Variants in ADAMTS12 observed in about 807,000 individuals in gnomAD.
ADAMTS12 encodes A disintegrin and metalloproteinase with thrombospondin motifs 12.
In ADAMTS12, 118 loss-of-function variants were observed where a neutral mutation model predicts 167.8. The ratio of observed to expected loss-of-function variants is 0.70; its 90% CI spans 0.61 to 0.82. The LOEUF (loss-of-function observed/expected upper bound fraction) is 0.82. Among genes scored for constraint, ADAMTS12 ranks in the 40% least tolerant of loss-of-function variants. ADAMTS12 has a pLI of 0.00. For missense variants in ADAMTS12, 1,916 were observed against 1,998.8 expected (o/e 0.96, Z 0.79); for synonymous variants, 704 against 716.9 (o/e 0.98, Z 0.29).
chr5:33,587,264 T>A (rs1297406897), intron 18 of ADAMTS12, among the ~76,000 whole-genome samples: 1 of 152,210 alleles, frequency 6.6e-6, no homozygotes, highest in Non-Finnish European at 1.5e-5. Flanking sequence ...TCAGAGCAGG[T>A]GAAAAGCAAT....
intron 2 of ADAMTS12, among the ~76,000 whole-genome samples, chr5:33,766,299 G>A (rs1745530590): frequency 6.6e-6 from 1 of 152,168 alleles, no homozygotes; most frequent in Non-Finnish European, 1.5e-5. Flanking sequence ...TATCTCTGCT[G>A]TGTTCTTCTC....
intron 23 of ADAMTS12, 136 bp from the exon 24 acceptor site, chr5:33,527,502 T>G: frequency 1.2e-6 from 1 of 818,650 alleles, no homozygotes; most frequent in Non-Finnish European, 1.9e-6. Context: ...AGGTGGTATC[T>G]ACTGAATGTT....
intron 22 of ADAMTS12, among the ~76,000 whole-genome samples, chr5:33,535,404 A>C (rs1744344884): frequency 6.6e-6 from 1 of 152,136 alleles, no homozygotes; most frequent in Non-Finnish European, 1.5e-5. Flanking sequence ...CTTCCTTGGG[A>C]ATTTGAATTG....
rs906522425 is a variant in ADAMTS12 at position 33,736,925 on chromosome 5, T to C, written c.634+14479A>G. On this transcript the variant is annotated intron_variant, in intron 3 of 23. Coordinates refer to ENST00000504830, the MANE Select transcript of ADAMTS12 (RefSeq NM_030955.4). The stretch of plus-strand genomic sequence containing the variant: ...CAGCATCTTCCCCATGAGTTCAGTC[T>C]GCATAAAGGTTTTCATGCCTTTTCA... Among the ~76,000 whole-genome samples the C allele has an allele frequency of 2.6e-5, 4 of 152,356 alleles. No individual in the cohort carries two copies. The East Asian group carries it at 7.7e-4, about 29-fold the overall frequency.
chr5:33,818,308 T>G (rs59969290), intron 2 of ADAMTS12, among the ~76,000 whole-genome samples: 21,840 of 152,074 alleles, frequency 0.14, 2,037 homozygotes, highest in South Asian at 0.38. Context: ...TGTTTCATTC[T>G]CTGGGTATAC....
chr5:33,828,114 T>A (rs1748160565), intron 2 of ADAMTS12, among the ~76,000 whole-genome samples: 1 of 152,200 alleles, frequency 6.6e-6, no homozygotes, highest in Admixed American at 6.5e-5. Flanking sequence ...ACTCTCAGAC[T>A]TCTGTCTCAA....
chr5:33,563,695 G>C (rs1326187590), intron 19 of ADAMTS12, among the ~76,000 whole-genome samples: 1 of 152,162 alleles, frequency 6.6e-6, no homozygotes, highest in Non-Finnish European at 1.5e-5. Context: ...GAATGATGAG[G>C]CAAGTCAATG....
At chr5:33,679,251 T>G (rs1367396524) in intron 5 of ADAMTS12, among the ~76,000 whole-genome samples, 1 of 152,258 alleles carries the variant, frequency 6.6e-6, no homozygotes, top group Non-Finnish European at 1.5e-5. Context: ...CCATTGCCCA[T>G]GCAGGTCCCT....
chr5:33,840,471 C>T (rs1317945421), intron 2 of ADAMTS12, among the ~76,000 whole-genome samples: 1 of 152,212 alleles, frequency 6.6e-6, no homozygotes, highest in Non-Finnish European at 1.5e-5. Flanking sequence ...CACAGATGTG[C>T]CACCCTGAGC....
At chr5:33,573,132 C>T (rs1746478631) in intron 19 of ADAMTS12, among the ~76,000 whole-genome samples, 1 of 152,146 alleles carries the variant, frequency 6.6e-6, no homozygotes, top group African/African-American at 2.4e-5. Flanking sequence ...ATTCCATGCT[C>T]ATGGGTAGGA....
At chr5:33,780,593 G>A (rs541534290) in intron 2 of ADAMTS12, among the ~76,000 whole-genome samples, 1 of 152,146 alleles carries the variant, frequency 6.6e-6, no homozygotes, top group African/African-American at 2.4e-5. Flanking sequence ...AAGAAATGGA[G>A]TTGGGCATTC....
intron 18 of ADAMTS12, among the ~76,000 whole-genome samples, chr5:33,585,480 T>G (rs1243974396): frequency 6.6e-6 from 1 of 152,222 alleles, no homozygotes; most frequent in East Asian, 1.9e-4. Flanking sequence ...ACACACATCC[T>G]GGCTTCTGGA....
At chr5:33,767,807 A>G (rs1745593965) in intron 2 of ADAMTS12, among the ~76,000 whole-genome samples, 1 of 152,138 alleles carries the variant, frequency 6.6e-6, no homozygotes. Flanking sequence ...ACACCAGAAA[A>G]AGAAGAGATG....
chr5:33,886,694 G>A (rs1750649727), intron 1 of ADAMTS12, among the ~76,000 whole-genome samples: 12 of 152,094 alleles, frequency 7.9e-5, no homozygotes, highest in Admixed American at 7.9e-4. Flanking sequence ...AGTGATGAGG[G>A]ATAAGATCGG....
Position 33,546,184 on chromosome 5 carries a change from C to A in ADAMTS12, c.4321G>T (p.Gly1441Cys). The change falls in exon 22 of 24, where the codon GGT becomes TGT. Residue 1441 changes from glycine to cysteine, a missense_variant. Transcript: ENST00000504830. ...PWSQCSRSCG[G>C]GVQERGVFCP... ...AACACTCCTCTCTCCTGAACTCCACCTCCACAGGACCTGGAGCACTGATAC... is the reference window on the plus strand; with the variant it reads ...AACACTCCTCTCTCCTGAACTCCACATCCACAGGACCTGGAGCACTGATAC... 1.2e-6 allele frequency: 2 copies of A among 1,613,286 alleles called. No homozygotes were observed. The highest frequency in any genetic ancestry group is 1.7e-6 in the Non-Finnish European group (2 of 1,179,730).
intron 3 of ADAMTS12, among the ~76,000 whole-genome samples, chr5:33,746,175 A>G (rs1744779758): frequency 1.3e-5 from 2 of 152,268 alleles, no homozygotes; most frequent in African/African-American, 2.4e-5. Context: ...AGACTCAGGC[A>G]GGTTGTGTCA....
Position 33,684,068 on chromosome 5 carries a change from C to T in ADAMTS12, c.635-13G>A. ...ATGTTAACACTGTCTAAACAGTAAACAGAAGACAATGGTCTAACACTGTAT... is the reference window on the plus strand; with the variant it reads ...ATGTTAACACTGTCTAAACAGTAAATAGAAGACAATGGTCTAACACTGTAT... On this transcript the variant is annotated splice_polypyrimidine_tract_variant and intron_variant, in intron 3 of 23. Coordinates refer to ENST00000504830, the MANE Select transcript of ADAMTS12 (RefSeq NM_030955.4). 2 of 1,542,800 alleles carry T rather than the reference C, an allele frequency of 1.3e-6. No homozygotes were observed. The highest frequency in any genetic ancestry group is 1.3e-5 in the South Asian group (1 of 77,376).
intron 12 of ADAMTS12, among the ~76,000 whole-genome samples, chr5:33,635,283 T>C (rs1340306261): frequency 2.0e-5 from 3 of 152,198 alleles, no homozygotes; most frequent in Admixed American, 6.5e-5. Flanking sequence ...GCAGAGCTCC[T>C]GGCTTACGAA....
intron 8 of ADAMTS12, 27 bp from the exon 9 acceptor site, chr5:33,648,993 G>A: frequency 6.2e-7 from 1 of 1,606,406 alleles, no homozygotes; most frequent in East Asian, 2.2e-5. Context: ...AGAAATGAGA[G>A]GAGTTGTTTA....
Sources: gnomAD v4.1 joint callset for allele counts (sites outside exome capture counted in the v4.1 genomes callset) on GRCh38, gnomAD v4.1.1 for gene constraint, MANE v1.5 for transcripts, NCBI Gene and HGNC (gene_info 2026-07-23, HGNC 2026-07-21) for gene names.